ASB3: variants seen among roughly 807,000 people sequenced by gnomAD.
The protein encoded by ASB3 is ankyrin repeat and SOCS box containing 3, also known as ankyrin repeat and SOCS box protein 3.
Under a neutral mutation model 54.5 loss-of-function variants are expected in ASB3, and 41 were observed. That is an observed-to-expected ratio of 0.75 (90% CI 0.59 to 0.98). The LOEUF (loss-of-function observed/expected upper bound fraction) is 0.98. Ranked by LOEUF, ASB3 falls within the 50% of genes least tolerant of loss-of-function variation. The pLI, the probability that ASB3 is intolerant of heterozygous loss-of-function variation, is 0.00. For synonymous variants in ASB3, 266 were observed against 221.2 expected, an observed-to-expected ratio of 1.20 and a Z score of -1.80; for missense variants, 733 against 620.0, an observed-to-expected ratio of 1.18 and a Z score of -1.94.
intron 1 of ASB3, among the ~76,000 whole-genome samples, chr2:53,770,800 A>T (rs1392068502): frequency 6.6e-6 from 1 of 152,228 alleles, no homozygotes; most frequent in African/African-American, 2.4e-5. Context: ...TGATTGTCCC[A>T]TATAAGAACT....
At chr2:53,704,876 G>A (rs1305057460) in intron 7 of ASB3, among the ~76,000 whole-genome samples, 2 of 152,078 alleles carry the variant, frequency 1.3e-5, no homozygotes. Context: ...GATCACTTAT[G>A]AAAACTCTCT....
At chr2:53,774,660 A>G (rs1033549820) in intron 1 of ASB3, 4 of 619,062 alleles carry the variant, frequency 6.5e-6, no homozygotes, top group African/African-American at 5.7e-5. Context: ...CCTGAAACAC[A>G]TATTTAAAAT....
At chr2:53,696,291 AG>A (rs368287142) in intron 8 of ASB3, among the ~76,000 whole-genome samples, 103 of 152,320 alleles carry the variant, frequency 6.8e-4, no homozygotes, top group African/African-American at 2.4e-3. Flanking sequence ...CTACTTTACT[AG>A]TTCTTAATTC....
At chr2:53,748,427 T>G (rs1051481601) in intron 3 of ASB3, 2 of 152,154 alleles carry the variant, frequency 1.3e-5, no homozygotes, top group African/African-American at 4.8e-5. Context: ...AAAAAGAAAC[T>G]TAATATAAAA....
At chr2:53,746,104 T>C (rs1306724422) in intron 3 of ASB3, among the ~76,000 whole-genome samples, 3 of 152,042 alleles carry the variant, frequency 2.0e-5, no homozygotes, top group East Asian at 1.9e-4. Context: ...CTGGGCAACA[T>C]AGCAAGACCC....
intron 9 of ASB3, 133 bp from the exon 10 acceptor site, chr2:53,670,823 T>C: frequency 9.7e-7 from 1 of 1,032,528 alleles, no homozygotes; most frequent in Non-Finnish European, 1.4e-6. Flanking sequence ...CTACTTTGAG[T>C]CAGTATGACC....
intron 5 of ASB3, among the ~76,000 whole-genome samples, chr2:53,724,638 C>T (rs577042012): frequency 6.6e-6 from 1 of 151,644 alleles, no homozygotes; most frequent in South Asian, 2.1e-4. Flanking sequence ...TGAAAAGATA[C>T]TTCTCAAAAG....
At chr2:53,770,067 T>C (rs1282130777) in intron 1 of ASB3, among the ~76,000 whole-genome samples, 2 of 152,188 alleles carry the variant, frequency 1.3e-5, no homozygotes, top group Admixed American at 6.5e-5. Context: ...CACTTTGAAA[T>C]TGAAAATAAT....
In ASB3 at chr2:53,716,552, T is replaced by C. The variant is rs373554689; in HGVS notation, c.782+14A>G. The C allele has an allele frequency of 2.5e-5, 40 of 1,606,588 alleles. No homozygotes were observed. The African/African-American group carries it at 4.7e-4, about 19-fold the overall frequency. On this transcript the variant is annotated intron_variant, in intron 6 of 9. Coordinates refer to ENST00000263634, the MANE Select transcript of ASB3 (RefSeq NM_016115.5). ...ATTAAGAGACCATGTTTATTTTCTG[T>C]TTTTAACACTTACTTTGTATGGCCC...
intron 9 of ASB3, among the ~76,000 whole-genome samples, chr2:53,680,075 A>C (rs1668284585): frequency 6.6e-6 from 1 of 152,074 alleles, no homozygotes; most frequent in Non-Finnish European, 1.5e-5. Flanking sequence ...ACATGATTTC[A>C]TTCTTTTTTT....
intron 1 of ASB3, chr2:53,786,315 C>G (rs1300675879): frequency 1.3e-5 from 2 of 152,194 alleles, no homozygotes; most frequent in East Asian, 3.8e-4. Context: ...CACCCCAACA[C>G]TTCAATCTAG....
intron 7 of ASB3, among the ~76,000 whole-genome samples, chr2:53,709,480 G>A (rs557257187): frequency 6.6e-6 from 1 of 152,300 alleles, no homozygotes; most frequent in Non-Finnish European, 1.5e-5. Context: ...GAAAGAGGAG[G>A]GAAGGAGAGA....
intron 6 of ASB3, among the ~76,000 whole-genome samples, chr2:53,715,612 T>C (rs1223779114): frequency 6.6e-6 from 1 of 152,142 alleles, no homozygotes. Context: ...GGGGAAAATA[T>C]CAAATTTTTA....
At position 53,716,733 on chromosome 2, in the gene ASB3, G is replaced by C. The variant is rs1670414607; in HGVS notation, c.615C>G (p.Val205=). ...LSILISSGAN[V]NCQALDKATP... ...TAGCTTTGTCCAAGGCTTGACAATTGACATTTGCACCTAAGGGTACAAAAT... is the reference window on the plus strand; with the variant it reads ...TAGCTTTGTCCAAGGCTTGACAATTCACATTTGCACCTAAGGGTACAAAAT... Residue 205 remains valine (V), a synonymous_variant, in exon 6 of 10, where the codon GTC becomes GTG. Coordinates refer to ENST00000263634, the MANE Select transcript of ASB3 (RefSeq NM_016115.5). 1.2e-6 allele frequency: 2 copies of C among 1,612,364 alleles called. No individual in the cohort carries two copies. The highest frequency in any genetic ancestry group is 1.7e-6 in the Non-Finnish European group (2 of 1,178,970).
At chr2:53,786,041 G>A (rs1406130537) in intron 1 of ASB3, among the ~76,000 whole-genome samples, 1 of 152,174 alleles carries the variant, frequency 6.6e-6, no homozygotes, top group African/African-American at 2.4e-5. Context: ...CAAATCTGAG[G>A]AAGTGGGGGC....
chr2:53,671,279 A>C (rs1667797813), intron 9 of ASB3, among the ~76,000 whole-genome samples: 1 of 152,112 alleles, frequency 6.6e-6, no homozygotes, highest in South Asian at 2.1e-4. Flanking sequence ...AATTTAAAAA[A>C]ACAACTTTCC....
chr2:53,773,009 A>G (rs896711951), intron 1 of ASB3, among the ~76,000 whole-genome samples: 1 of 152,202 alleles, frequency 6.6e-6, no homozygotes, highest in African/African-American at 2.4e-5. Context: ...AGAATTTTAT[A>G]TTGTGAAATT....
At chr2:53,761,466 TA>T (rs1309536964) in intron 2 of ASB3, among the ~76,000 whole-genome samples, 2 of 151,774 alleles carry the variant, frequency 1.3e-5, no homozygotes, top group Admixed American at 6.6e-5. Flanking sequence ...TCTCTTGAAC[TA>T]GGACATGCAT....
chr2:53,711,939 G>C (rs1287719566), intron 7 of ASB3, among the ~76,000 whole-genome samples: 1 of 152,116 alleles, frequency 6.6e-6, no homozygotes, highest in African/African-American at 2.4e-5. Context: ...GAGAAAGAGA[G>C]AGGCTGTAGT....
Sources: gnomAD v4.1 joint callset for allele counts (sites outside exome capture counted in the v4.1 genomes callset) on GRCh38, gnomAD v4.1.1 for gene constraint, MANE v1.5 for transcripts, NCBI Gene and HGNC (gene_info 2026-07-23, HGNC 2026-07-21) for gene names.